PPP1R12A: variants seen among roughly 807,000 people sequenced by gnomAD.
PPP1R12A encodes myosin binding subunit.
A neutral mutation model predicts 139.6 loss-of-function variants in PPP1R12A; 19 were observed. The ratio of observed to expected loss-of-function variants is 0.14; its 90% CI spans 0.09 to 0.20. PPP1R12A has a LOEUF of 0.20. Among genes scored for constraint, PPP1R12A ranks in the 10% least tolerant of loss-of-function variants. The probability of loss-of-function intolerance (pLI) is 1.00; values close to 1 mark genes in which losing one functional copy is unlikely to be tolerated. For missense variants in PPP1R12A, 925 were observed against 1,211.5 expected (o/e 0.76, Z 3.51); for synonymous variants, 427 against 420.6 (o/e 1.02, Z -0.19).
intron 1 of PPP1R12A, among the ~76,000 whole-genome samples, chr12:79,874,013 C>T (rs766443559): frequency 1.1e-4 from 16 of 152,140 alleles, no homozygotes; most frequent in Non-Finnish European, 1.9e-4. Context: ...CGGTGGCTCA[C>T]GCCTGTAATC....
At chr12:79,811,029 T>C (rs533534993) in intron 9 of PPP1R12A, among the ~76,000 whole-genome samples, 1 of 152,340 alleles carries the variant, frequency 6.6e-6, no homozygotes, top group East Asian at 1.9e-4. Flanking sequence ...CAACCTCTGT[T>C]ATCTTTAGAT....
intron 1 of PPP1R12A, among the ~76,000 whole-genome samples, chr12:79,880,715 G>A (rs1883560268): frequency 6.6e-6 from 1 of 152,010 alleles, no homozygotes; most frequent in Admixed American, 6.6e-5. Flanking sequence ...GAAGAGGAAA[G>A]GGCCTGAGCT....
At chr12:79,818,405 T>C (rs1278053462) in intron 8 of PPP1R12A, among the ~76,000 whole-genome samples, 1 of 152,016 alleles carries the variant, frequency 6.6e-6, no homozygotes, top group Non-Finnish European at 1.5e-5. Flanking sequence ...CCACACCTAC[T>C]AATTGTTGTG....
intron 1 of PPP1R12A, among the ~76,000 whole-genome samples, chr12:79,908,908 C>G (rs1488361888): frequency 2.6e-5 from 4 of 152,164 alleles, no homozygotes. Context: ...AGAGTAAGAC[C>G]TTGGTGTACC....
intron 9 of PPP1R12A, among the ~76,000 whole-genome samples, chr12:79,810,577 A>G (rs1386113912): frequency 6.6e-6 from 1 of 152,220 alleles, no homozygotes; most frequent in African/African-American, 2.4e-5. Context: ...AGAAAAGGGA[A>G]GTTATGAACA....
chr12:79,852,133 T>C (rs1410258096), intron 2 of PPP1R12A, among the ~76,000 whole-genome samples: 1 of 152,078 alleles, frequency 6.6e-6, no homozygotes, highest in African/African-American at 2.4e-5. Context: ...ATTAATTGTC[T>C]TTTTTCACTC....
chr12:79,924,965 A>C (rs1887720745), intron 1 of PPP1R12A, among the ~76,000 whole-genome samples: 1 of 152,172 alleles, frequency 6.6e-6, no homozygotes, highest in South Asian at 2.1e-4. Flanking sequence ...GTAATCACGG[A>C]TATTTATTAA....
chr12:79,779,112 T>G (rs893242747), intron 23 of PPP1R12A: 1 of 344,170 alleles, frequency 2.9e-6, no homozygotes, highest in Admixed American at 3.7e-5. Flanking sequence ...TAGGTTGACA[T>G]TATGTGTAGC....
At chr12:79,840,654 T>A (rs1026316036) in intron 3 of PPP1R12A, among the ~76,000 whole-genome samples, 1 of 152,182 alleles carries the variant, frequency 6.6e-6, no homozygotes, top group African/African-American at 2.4e-5. Context: ...ACCAAACTGT[T>A]CTAATTTTAC....
intron 22 of PPP1R12A, among the ~76,000 whole-genome samples, chr12:79,783,044 T>C (rs1001985291): frequency 7.9e-5 from 12 of 152,168 alleles, no homozygotes; most frequent in African/African-American, 2.2e-4. Context: ...GAACTAATCA[T>C]GGCTAGGTTT....
At chr12:79,846,925 G>A (rs955314788) in intron 2 of PPP1R12A, among the ~76,000 whole-genome samples, 3 of 151,736 alleles carry the variant, frequency 2.0e-5, no homozygotes, top group Non-Finnish European at 2.9e-5. Context: ...GGTATCCCTG[G>A]TTTTATTTTT....
At chr12:79,869,934 T>TATTATTATTATA (rs888120483) in intron 2 of PPP1R12A, among the ~76,000 whole-genome samples, 1 of 150,100 alleles carries the variant, frequency 6.7e-6, no homozygotes, top group African/African-American at 2.5e-5. Context: ...TTATTATTAT[T>TATTATTATTATA]ATAAGTGCTT....
At chr12:79,894,334 A>G (rs1036002816) in intron 1 of PPP1R12A, among the ~76,000 whole-genome samples, 10 of 152,200 alleles carry the variant, frequency 6.6e-5, no homozygotes, top group Non-Finnish European at 1.2e-4. Context: ...AACTGAAGAC[A>G]GAGTAAAAGA....
chr12:79,912,527 C>T (rs571325129), intron 1 of PPP1R12A, among the ~76,000 whole-genome samples: 4 of 151,696 alleles, frequency 2.6e-5, no homozygotes, highest in African/African-American at 9.7e-5. Flanking sequence ...CCCCCAACTA[C>T]AAAAAAATAA....
chr12:79,809,564 T>C (rs1015948443), intron 10 of PPP1R12A, among the ~76,000 whole-genome samples: 3 of 152,190 alleles, frequency 2.0e-5, no homozygotes, highest in East Asian at 3.9e-4. Flanking sequence ...AGTAAGGTAA[T>C]AGATTCCTTT....
chr12:79,877,644 T>G (rs762351907), intron 1 of PPP1R12A, among the ~76,000 whole-genome samples: 1 of 152,132 alleles, frequency 6.6e-6, no homozygotes, highest in Admixed American at 6.5e-5. Context: ...GCCTCCTAGG[T>G]AGCTGGAACT....
chr12:79,827,831 C>T (rs1876977927), intron 5 of PPP1R12A, among the ~76,000 whole-genome samples: 1 of 152,004 alleles, frequency 6.6e-6, no homozygotes, highest in African/African-American at 2.4e-5. Context: ...TGGCATAAAA[C>T]TTTATAGTTA....
chr12:79,815,492 G>A (rs1316761178), intron 9 of PPP1R12A, among the ~76,000 whole-genome samples: 1 of 150,840 alleles, frequency 6.6e-6, no homozygotes, highest in Non-Finnish European at 1.5e-5. Flanking sequence ...TTGCACTCCA[G>A]CCTGGGTGAC....
chr12:79,905,417 T>C (rs1338868445), intron 1 of PPP1R12A, among the ~76,000 whole-genome samples: 1 of 144,134 alleles, frequency 6.9e-6, no homozygotes, highest in Non-Finnish European at 1.5e-5. Flanking sequence ...CATTTTACAT[T>C]CTTATGCCAT....
Sources: gnomAD v4.1 joint callset for allele counts (sites outside exome capture counted in the v4.1 genomes callset) on GRCh38, gnomAD v4.1.1 for gene constraint, MANE v1.5 for transcripts, NCBI Gene and HGNC (gene_info 2026-07-23, HGNC 2026-07-21) for gene names.